Variants in BLOC1S5 observed in about 807,000 individuals in gnomAD.
BLOC1S5 encodes the protein biogenesis of lysosome-related organelles complex 1 subunit 5.
In BLOC1S5, 27 loss-of-function variants were observed where a neutral mutation model predicts 24.3. The ratio of observed to expected loss-of-function variants is 1.11; its 90% CI spans 0.82 to 1.53. The LOEUF is 1.53. Ranked by LOEUF, BLOC1S5 falls within the 40% of genes most tolerant of loss-of-function variation. The pLI, the probability that BLOC1S5 is intolerant of heterozygous loss-of-function variation, is 0.00. For missense variants in BLOC1S5, 239 were observed against 229.4 expected (o/e 1.04, Z -0.27); for synonymous variants, 84 against 74.5 (o/e 1.13, Z -0.66).
chr6:8,028,834 T>C (rs544768194), intron 3 of BLOC1S5, among the ~76,000 whole-genome samples: 1 of 152,290 alleles, frequency 6.6e-6, no homozygotes, highest in South Asian at 2.1e-4. Context: ...CATTCCCTTT[T>C]TGAACAATTA....
At chr6:8,032,836 GACAA>G (rs1763350598) in intron 3 of BLOC1S5, among the ~76,000 whole-genome samples, 1 of 152,132 alleles carries the variant, frequency 6.6e-6, no homozygotes, top group South Asian at 2.1e-4. Context: ...AGCATTAACA[GACAA>G]ACAGAGAGCC....
chr6:8,032,993 G>T (rs983200856), intron 3 of BLOC1S5, among the ~76,000 whole-genome samples: 3 of 152,128 alleles, frequency 2.0e-5, no homozygotes, highest in African/African-American at 7.2e-5. Context: ...CAAACAAATG[G>T]AAGAATACTC....
chr6:8,049,949 C>T (rs9392197), intron 2 of BLOC1S5, among the ~76,000 whole-genome samples: 9,306 of 152,102 alleles, frequency 0.061, 468 homozygotes, highest in East Asian at 0.18. Flanking sequence ...TGAGCTCAAG[C>T]GATCCACCCA....
intron 2 of BLOC1S5, among the ~76,000 whole-genome samples, chr6:8,053,415 T>TC (rs1285139488): frequency 1.3e-5 from 2 of 152,110 alleles, no homozygotes; most frequent in Non-Finnish European, 2.9e-5. Context: ...CCCTGATCAG[T>TC]CAGTCAGCAG....
chr6:8,039,481 G>C (rs1289402750), intron 3 of BLOC1S5, among the ~76,000 whole-genome samples: 1 of 152,016 alleles, frequency 6.6e-6, no homozygotes, highest in Non-Finnish European at 1.5e-5. Context: ...AAATATTTAA[G>C]GTGATGAATA....
chr6:8,063,825 G>A (rs1757344649), intron 1 of BLOC1S5, among the ~76,000 whole-genome samples: 1 of 152,182 alleles, frequency 6.6e-6, no homozygotes, highest in South Asian at 2.1e-4. Context: ...GCCTTCGTAA[G>A]TGTATCTCAC....
chr6:8,029,707 A>G (rs1472296132), intron 3 of BLOC1S5, among the ~76,000 whole-genome samples: 2 of 152,122 alleles, frequency 1.3e-5, no homozygotes, highest in African/African-American at 4.8e-5. Flanking sequence ...GCCTTCCCAC[A>G]CTAACGAGAT....
intron 2 of BLOC1S5, among the ~76,000 whole-genome samples, chr6:8,041,655 C>CTTTCTTTTT (rs111955375): frequency 4.8e-4 from 54 of 111,888 alleles, no homozygotes; most frequent in East Asian, 4.8e-3. Context: ...TTCTTTCTTT[C>CTTTCTTTTT]TTTTTTTTTG....
intron 3 of BLOC1S5, among the ~76,000 whole-genome samples, chr6:8,029,614 C>A (rs1282144443): frequency 6.6e-6 from 1 of 152,206 alleles, no homozygotes; most frequent in Non-Finnish European, 1.5e-5. Context: ...AAAGGAGACA[C>A]CAAATCAAAG....
chr6:8,035,884 C>T (rs1763469125), intron 3 of BLOC1S5, among the ~76,000 whole-genome samples: 1 of 152,130 alleles, frequency 6.6e-6, no homozygotes, highest in Non-Finnish European at 1.5e-5. Context: ...TCGACCAGGC[C>T]TTAATGACAC....
chr6:8,021,143 G>C (rs1213550350), intron 4 of BLOC1S5, among the ~76,000 whole-genome samples: 1 of 152,202 alleles, frequency 6.6e-6, no homozygotes, highest in Non-Finnish European at 1.5e-5. Context: ...AAACAGGCCA[G>C]TCAGAAAAGA....
intron 4 of BLOC1S5, among the ~76,000 whole-genome samples, chr6:8,024,264 G>A (rs1041978241): frequency 1.3e-5 from 2 of 151,790 alleles, no homozygotes; most frequent in Non-Finnish European, 2.9e-5. Context: ...AGTGGCTCAC[G>A]CCTGTAATCC....
intron 3 of BLOC1S5, 149 bp downstream of exon 3, chr6:8,040,990 G>A: frequency 1.4e-6 from 1 of 728,994 alleles, no homozygotes; most frequent in Non-Finnish European, 2.1e-6. Context: ...TTAATTAATG[G>A]CAACACACAT....
intron 2 of BLOC1S5, among the ~76,000 whole-genome samples, chr6:8,053,660 G>A (rs1166944439): frequency 1.3e-5 from 2 of 152,118 alleles, no homozygotes; most frequent in East Asian, 1.9e-4. Context: ...TCACGTCATT[G>A]CAGAGGCCTG....
chr6:8,023,574 A>C (rs749213408), intron 4 of BLOC1S5, among the ~76,000 whole-genome samples: 17 of 148,708 alleles, frequency 1.1e-4, no homozygotes, highest in Non-Finnish European at 6.0e-5. Context: ...TGGGTGACGG[A>C]GTGAGACTCC....
chr6:8,018,493 C>T (rs892458403), intron 4 of BLOC1S5, among the ~76,000 whole-genome samples: 4 of 152,136 alleles, frequency 2.6e-5, no homozygotes, highest in South Asian at 2.1e-4. Flanking sequence ...GGCAACAGCC[C>T]GTGTTCCCCT....
intron 2 of BLOC1S5, chr6:8,054,183 G>T: frequency 2.5e-6 from 1 of 405,104 alleles, no homozygotes; most frequent in Non-Finnish European, 4.9e-6. Context: ...TCCTTTTTGG[G>T]ATCCAATTTG....
chr6:8,015,733 A>G lies in BLOC1S5; in HGVS notation c.480T>C (p.Asp160=). The stretch of plus-strand genomic sequence containing the variant: ...TTTCCATGGCTTTTCTGTGCTCTTC[A>G]TCCACTTCAGCCCTTTTGTTGGGTT... The part of the protein sequence containing the change: ...KEQPNKRAEV[D]EEHRKAMERL... The change falls in exon 5 of 5, where the codon GAT becomes GAC. Residue 160 remains aspartate (D), a synonymous_variant. Coordinates refer to ENST00000397457, the MANE Select transcript of BLOC1S5 (RefSeq NM_201280.3). The G allele has an allele frequency of 6.2e-7, 1 of 1,614,136 alleles. No homozygotes were observed. The highest frequency in any genetic ancestry group is 1.1e-5 in the South Asian group (1 of 91,082).
chr6:8,054,525 T>C (rs1048825828), intron 2 of BLOC1S5, among the ~76,000 whole-genome samples: 17 of 152,218 alleles, frequency 1.1e-4, no homozygotes, highest in African/African-American at 3.1e-4. Context: ...CATGACCTAA[T>C]AGTGTGTGGT....
Sources: allele counts gnomAD v4.1 joint callset (sites outside exome capture counted in the v4.1 genomes callset), GRCh38; gene constraint gnomAD v4.1.1; transcripts MANE v1.5; gene names NCBI Gene and HGNC (gene_info 2026-07-23, HGNC 2026-07-21).